Variants in ASIC2 observed in about 807,000 individuals in gnomAD.
ASIC2 encodes the protein acid sensing ion channel subunit 2, also known as acid-sensing ion channel 2.
A neutral mutation model predicts 57.3 loss-of-function variants in ASIC2; 25 were observed. That is an observed-to-expected ratio of 0.44 (90% confidence interval 0.32 to 0.61). The LOEUF is 0.61. Ranked by LOEUF, ASIC2 falls within the 20% of genes least tolerant of loss-of-function variation. The probability of loss-of-function intolerance (pLI) is 0.06; values close to 1 mark genes in which losing one functional copy is unlikely to be tolerated. For synonymous variants in ASIC2, 319 were observed against 307.5 expected (o/e 1.04, Z -0.39); for missense variants, 641 against 738.1 (o/e 0.87, Z 1.52).
chr17:33,280,357 A>G (rs997462893), intron 1 of ASIC2, among the ~76,000 whole-genome samples: 7 of 152,226 alleles, frequency 4.6e-5, no homozygotes, highest in African/African-American at 1.7e-4. Flanking sequence ...AATGTAATGT[A>G]ATTATAGTGA....
chr17:33,166,932 T>G (rs1164482237), intron 1 of ASIC2, among the ~76,000 whole-genome samples: 2 of 152,206 alleles, frequency 1.3e-5, no homozygotes, highest in African/African-American at 4.8e-5. Flanking sequence ...GAAAAGAGCA[T>G]CATTTGGTAA....
intron 1 of ASIC2, among the ~76,000 whole-genome samples, chr17:33,783,930 TA>T (rs1911528699): frequency 6.6e-6 from 1 of 152,230 alleles, no homozygotes; most frequent in East Asian, 1.9e-4. Context: ...TTCTACGCCA[TA>T]CCGTCTCCAG....
At chr17:33,991,433 C>T (rs1262973220) in intron 1 of ASIC2, among the ~76,000 whole-genome samples, 2 of 152,120 alleles carry the variant, frequency 1.3e-5, no homozygotes, top group Admixed American at 6.5e-5. Context: ...AATCCAGATT[C>T]CCCCAATCTA....
intron 1 of ASIC2, among the ~76,000 whole-genome samples, chr17:33,911,244 C>T (rs1003454665): frequency 3.9e-5 from 6 of 152,070 alleles, no homozygotes; most frequent in Non-Finnish European, 8.8e-5. Flanking sequence ...TACAAATGAG[C>T]GTATCAGTTA....
chr17:33,537,736 A>G (rs1915278665), intron 1 of ASIC2, among the ~76,000 whole-genome samples: 1 of 152,180 alleles, frequency 6.6e-6, no homozygotes, highest in Non-Finnish European at 1.5e-5. Flanking sequence ...CAAGGACCAC[A>G]GGGCAAAGGG....
At chr17:33,413,720 T>A (rs1019249593) in intron 1 of ASIC2, among the ~76,000 whole-genome samples, 3 of 152,216 alleles carry the variant, frequency 2.0e-5, no homozygotes, top group Non-Finnish European at 4.4e-5. Context: ...CTTCATTAGA[T>A]CCCACTCACT....
intron 1 of ASIC2, among the ~76,000 whole-genome samples, chr17:33,778,613 C>T (rs924482752): frequency 6.6e-5 from 10 of 152,274 alleles, no homozygotes; most frequent in Admixed American, 2.0e-4. Context: ...CCTCAACAGG[C>T]GGCCTGATAT....
intron 1 of ASIC2, among the ~76,000 whole-genome samples, chr17:33,848,876 C>T (rs560490477): frequency 1.3e-5 from 2 of 152,352 alleles, no homozygotes; most frequent in East Asian, 3.9e-4. Flanking sequence ...ATTATATGCA[C>T]ATATCTATTT....
intron 1 of ASIC2, among the ~76,000 whole-genome samples, chr17:34,129,770 T>C (rs1448528958): frequency 6.6e-6 from 1 of 152,220 alleles, no homozygotes; most frequent in African/African-American, 2.4e-5. Flanking sequence ...GGCATACTAG[T>C]AGCTGCTTCC....
chr17:33,874,615 C>A (rs1294367307), intron 1 of ASIC2, among the ~76,000 whole-genome samples: 1 of 152,210 alleles, frequency 6.6e-6, no homozygotes, highest in African/African-American at 2.4e-5. Flanking sequence ...GTTCCCCTGC[C>A]ACTGAGCTGC....
intron 1 of ASIC2, among the ~76,000 whole-genome samples, chr17:33,642,215 C>T (rs1165091658): frequency 1.3e-5 from 2 of 149,766 alleles, no homozygotes; most frequent in Admixed American, 6.6e-5. Flanking sequence ...ACACCCCCCC[C>T]CCCCCCACAC....
intron 1 of ASIC2, among the ~76,000 whole-genome samples, chr17:33,355,107 T>TG (rs1336351447): frequency 6.6e-6 from 1 of 152,166 alleles, no homozygotes; most frequent in African/African-American, 2.4e-5. Context: ...AAAAGCAATG[T>TG]GGATCACCTG....
At chr17:33,404,523 C>T (rs1213250151) in intron 1 of ASIC2, among the ~76,000 whole-genome samples, 3 of 152,226 alleles carry the variant, frequency 2.0e-5, no homozygotes, top group Non-Finnish European at 4.4e-5. Context: ...GACAGAGGAG[C>T]AACATCTGAA....
At chr17:33,587,875 A>G (rs1223093978) in intron 1 of ASIC2, among the ~76,000 whole-genome samples, 1 of 152,038 alleles carries the variant, frequency 6.6e-6, no homozygotes. Context: ...CCTCTTCACC[A>G]TTTTCCTCCC....
At chr17:33,754,601 T>C (rs1028243763) in intron 1 of ASIC2, among the ~76,000 whole-genome samples, 5 of 152,156 alleles carry the variant, frequency 3.3e-5, no homozygotes, top group African/African-American at 1.2e-4. Context: ...TAAGGCAGAG[T>C]ATATGCTCAA....
chr17:34,107,419 A>T (rs1002174143), intron 1 of ASIC2, among the ~76,000 whole-genome samples: 1 of 152,164 alleles, frequency 6.6e-6, no homozygotes, highest in African/African-American at 2.4e-5. Context: ...TGAGGGAAGA[A>T]GATCACCTAA....
At chr17:33,879,320 A>G (rs568012554) in intron 1 of ASIC2, among the ~76,000 whole-genome samples, 3 of 152,332 alleles carry the variant, frequency 2.0e-5, no homozygotes, top group Admixed American at 2.0e-4. Flanking sequence ...GGCAAATTGG[A>G]TAAAAAGTCA....
intron 3 of ASIC2, among the ~76,000 whole-genome samples, chr17:33,030,197 T>C (rs1015764972): frequency 1.3e-5 from 2 of 152,206 alleles, no homozygotes; most frequent in Non-Finnish European, 2.9e-5. Flanking sequence ...TAGAAGTGTA[T>C]ACACCCTTGT....
intron 1 of ASIC2, among the ~76,000 whole-genome samples, chr17:33,583,454 G>A (rs1384426265): frequency 1.3e-5 from 2 of 152,138 alleles, no homozygotes; most frequent in African/African-American, 4.8e-5. Flanking sequence ...AAGTTGCTTC[G>A]CAGTGGGCAC....
Sources: allele counts gnomAD v4.1 joint callset (sites outside exome capture counted in the v4.1 genomes callset), GRCh38; gene constraint gnomAD v4.1.1; transcripts MANE v1.5; gene names NCBI Gene and HGNC (gene_info 2026-07-23, HGNC 2026-07-21).